Variants in BRD7 observed in about 807,000 individuals in gnomAD.
BRD7 encodes bromodomain containing 7, also known as bromodomain-containing protein 7.
A neutral mutation model predicts 82.1 loss-of-function variants in BRD7; 15 were observed. The observed-to-expected ratio is 0.18, with a 90% CI of 0.12 to 0.28. The LOEUF (loss-of-function observed/expected upper bound fraction) is 0.28. BRD7 is among the 10% of genes least tolerant of loss of function. The pLI is 1.00. For missense variants in BRD7, 638 were observed against 779.9 expected, an observed-to-expected ratio of 0.82 and a Z score of 2.17; for synonymous variants, 232 against 266.9, an observed-to-expected ratio of 0.87 and a Z score of 1.27.
intron 1 of BRD7, 97 bp from the exon 2 acceptor site, chr16:50,368,395 C>T: frequency 7.5e-7 from 1 of 1,340,112 alleles, no homozygotes; most frequent in South Asian, 1.3e-5. Flanking sequence ...CGCAGCAAGC[C>T]CGAGGCGGCT....
intron 4 of BRD7, among the ~76,000 whole-genome samples, chr16:50,353,792 G>C (rs2038629955): frequency 6.8e-6 from 1 of 146,730 alleles, no homozygotes; most frequent in East Asian, 2.0e-4. Context: ...TACAGATGGG[G>C]TTTCACCATG....
chr16:50,353,604 T>C (rs917601091), intron 4 of BRD7, among the ~76,000 whole-genome samples: 6 of 152,020 alleles, frequency 3.9e-5, no homozygotes, highest in Non-Finnish European at 7.4e-5. Flanking sequence ...TTTATTTATT[T>C]ATTTTTTGAG....
intron 6 of BRD7, among the ~76,000 whole-genome samples, chr16:50,336,170 G>A (rs996376758): frequency 5.3e-5 from 8 of 151,554 alleles, no homozygotes; most frequent in African/African-American, 7.3e-5. Flanking sequence ...TTAATCCCAC[G>A]TCTACACCAT....
chr16:50,363,752 A>C (rs1367352555), intron 2 of BRD7, among the ~76,000 whole-genome samples: 1 of 151,964 alleles, frequency 6.6e-6, no homozygotes, highest in South Asian at 2.1e-4. Context: ...CATTACCCCC[A>C]TTCACTCCCC....
chr16:50,342,986 T>C (rs1019177137), intron 5 of BRD7, among the ~76,000 whole-genome samples: 2 of 152,196 alleles, frequency 1.3e-5, no homozygotes, highest in Non-Finnish European at 2.9e-5. Flanking sequence ...ATATATATTA[T>C]AAGTTTTCAG....
At chr16:50,323,212 G>T (rs150470622) in intron 12 of BRD7, among the ~76,000 whole-genome samples, 2 of 152,162 alleles carry the variant, frequency 1.3e-5, no homozygotes, top group East Asian at 3.9e-4. Context: ...GGTTCCTCCC[G>T]ATGTGCTATT....
chr16:50,326,184 A>G, intron 10 of BRD7, 100 bp downstream of exon 10: 1 of 939,262 alleles, frequency 1.1e-6, no homozygotes, highest in Non-Finnish European at 1.7e-6. Context: ...TACCACCAAG[A>G]TACTGGTGCC....
chr16:50,323,681 G>A lies in BRD7; in HGVS notation c.1349C>T (p.Ala450Val). ...GACATACGGATAATCTTGGCACGTG[G>A]CCAAAAACTCATGGATGCTGCAAGA... ...PSDFSIHEFL[A>V]TCQDYPYVMA... The change falls in exon 12 of 17, where the codon GCC becomes GTC. Residue 450 changes from alanine to valine, a missense_variant. By Grantham distance (64) the Ala-to-Val change is moderately conservative. Coordinates refer to ENST00000394688, the MANE Select transcript of BRD7 (RefSeq NM_013263.5). 1 of 1,613,548 alleles carries A rather than the reference G, an allele frequency of 6.2e-7. No homozygotes were observed. Among genetic ancestry groups the A allele is most frequent in the Non-Finnish European group, 8.5e-7 (1 of 1,179,596 alleles).
intron 8 of BRD7, among the ~76,000 whole-genome samples, chr16:50,331,225 C>T (rs34222100): frequency 0.24 from 35,934 of 152,120 alleles, 4,491 homozygotes; most frequent in Admixed American, 0.31. Flanking sequence ...ATTGTTAAAA[C>T]GTCCATACTG....
intron 5 of BRD7, among the ~76,000 whole-genome samples, chr16:50,343,227 G>A (rs1178977343): frequency 6.6e-6 from 1 of 152,200 alleles, no homozygotes; most frequent in African/African-American, 2.4e-5. Context: ...CCCCAATGTT[G>A]GGGGAAGGAC....
chr16:50,322,356 G>A (rs997587597), intron 12 of BRD7, among the ~76,000 whole-genome samples: 6 of 152,278 alleles, frequency 3.9e-5, no homozygotes, highest in East Asian at 1.9e-4. Context: ...AATCCCTGAC[G>A]AGAAGACAGG....
intron 13 of BRD7, among the ~76,000 whole-genome samples, chr16:50,321,566 CAAAAAAAAAAAAAAAAAAAA>C (rs60824563): frequency 8.9e-5 from 6 of 67,446 alleles, no homozygotes; most frequent in African/African-American, 3.6e-4. Flanking sequence ...GACTCCATCT[CAAAAAAAAAAAAAAAAAAAA>C]AAAAAAAAAG....
chr16:50,342,871 G>T (rs1489057745), intron 5 of BRD7, among the ~76,000 whole-genome samples: 3 of 152,122 alleles, frequency 2.0e-5, no homozygotes, highest in Non-Finnish European at 2.9e-5. Flanking sequence ...TTAAGTTTGT[G>T]GCGGTTGAAT....
chr16:50,368,960 C>T lies in BRD7; in HGVS notation c.-186G>A, dbSNP rs2151222140. 6.0e-6 allele frequency: 1 copy of T among 166,756 alleles called. No homozygotes were observed. The highest frequency in any genetic ancestry group is 2.3e-4 in the East Asian group (1 of 4,386). 10.3% of individuals were successfully genotyped at this position (166,756 alleles called of 1,614,324 possible). On this transcript the variant is annotated 5_prime_UTR_variant, in exon 1 of 17. Coordinates refer to ENST00000394688, the MANE Select transcript of BRD7 (RefSeq NM_013263.5). ...GAGAAGACGGCGCGCGAGACCCGGC[C>T]GGAGCCCGAGAGCGGCGGCGGGGGG...
At chr16:50,365,931 C>A (rs1012433901) in intron 2 of BRD7, among the ~76,000 whole-genome samples, 1 of 152,194 alleles carries the variant, frequency 6.6e-6, no homozygotes. Context: ...CAGCTCTGAA[C>A]TGAAGGCACA....
At chr16:50,365,545 G>A (rs920007450) in intron 2 of BRD7, among the ~76,000 whole-genome samples, 7 of 152,122 alleles carry the variant, frequency 4.6e-5, no homozygotes, top group African/African-American at 1.7e-4. Flanking sequence ...AGACAGGGCA[G>A]GGAGCAAAAG....
At chr16:50,362,958 C>T in intron 2 of BRD7, among the ~76,000 whole-genome samples, 1 of 152,152 alleles carries the variant, frequency 6.6e-6, no homozygotes, top group East Asian at 1.9e-4. Context: ...AGACAGAACA[C>T]CAGTCTCACA....
chr16:50,334,954 A>AT (rs553762999), intron 6 of BRD7, 59 bp from the exon 7 acceptor site: 40 of 1,009,482 alleles, frequency 4.0e-5, no homozygotes, highest in Middle Eastern at 3.5e-4. Context: ...AAAGTAATGC[A>AT]TTTTTTTCCC....
chr16:50,334,972 G>A (rs1179865104), intron 6 of BRD7, 77 bp from the exon 7 acceptor site: 2 of 1,353,980 alleles, frequency 1.5e-6, no homozygotes, highest in Non-Finnish European at 2.0e-6. Context: ...CCCCACAGGA[G>A]TTTATACTTA....
Sources: gnomAD v4.1 joint callset for allele counts (sites outside exome capture counted in the v4.1 genomes callset) on GRCh38, gnomAD v4.1.1 for gene constraint, MANE v1.5 for transcripts, NCBI Gene and HGNC (gene_info 2026-07-23, HGNC 2026-07-21) for gene names.